STIMATE: variants seen among roughly 807,000 people sequenced by gnomAD.
The protein encoded by STIMATE is store-operated calcium entry regulator STIMATE.
In STIMATE, 15 loss-of-function variants were observed where a neutral mutation model predicts 36.7. The ratio of observed to expected loss-of-function variants is 0.41; its 90% CI spans 0.27 to 0.63. The LOEUF (loss-of-function observed/expected upper bound fraction) is 0.63, where lower values mean the gene tolerates loss of function less well. Ranked by LOEUF, STIMATE falls within the 20% of genes least tolerant of loss-of-function variation. The pLI, the probability that STIMATE is intolerant of heterozygous loss-of-function variation, is 0.32. For synonymous variants in STIMATE, 163 were observed against 162.3 expected (o/e 1.00, Z -0.03); for missense variants, 305 against 397.3 (o/e 0.77, Z 1.98).
chr3:52,873,412 G>A (rs181652788), intron 1 of STIMATE, among the ~76,000 whole-genome samples: 13 of 152,336 alleles, frequency 8.5e-5, no homozygotes, highest in Non-Finnish European at 1.8e-4. Context: ...CATTTGGTGA[G>A]GATATTAGGA....
chr3:52,855,717 G>C (rs886794359), intron 1 of STIMATE, among the ~76,000 whole-genome samples: 3 of 152,216 alleles, frequency 2.0e-5, no homozygotes, highest in Non-Finnish European at 4.4e-5. Flanking sequence ...TGACACACAA[G>C]GCTCACTCAG....
chr3:52,880,888 G>C (rs932984454), intron 1 of STIMATE, among the ~76,000 whole-genome samples: 3 of 152,186 alleles, frequency 2.0e-5, no homozygotes, highest in African/African-American at 7.2e-5. Context: ...TTTCCTACCA[G>C]TTAAAATGTA....
intron 1 of STIMATE, among the ~76,000 whole-genome samples, chr3:52,862,379 C>T (rs369389943): frequency 5.3e-4 from 80 of 152,346 alleles, no homozygotes; most frequent in African/African-American, 1.9e-3. Context: ...CCCATCCACT[C>T]CACCAGCACT....
intron 5 of STIMATE, among the ~76,000 whole-genome samples, chr3:52,844,408 G>A (rs1003001684): frequency 1.2e-4 from 19 of 152,356 alleles, no homozygotes; most frequent in Admixed American, 2.0e-4. Flanking sequence ...TGGGGAGCCC[G>A]TGGGCTGGCC....
At chr3:52,894,307 CAT>C (rs1303686369) in intron 1 of STIMATE, among the ~76,000 whole-genome samples, 2 of 152,204 alleles carry the variant, frequency 1.3e-5, no homozygotes, top group African/African-American at 4.8e-5. Context: ...GACACTGGGA[CAT>C]GTGTGTGGGT....
intron 3 of STIMATE, 73 bp from the exon 4 acceptor site, chr3:52,849,986 C>T (rs1700970210): frequency 1.9e-6 from 3 of 1,542,738 alleles, no homozygotes; most frequent in African/African-American, 1.4e-5. Flanking sequence ...TGCAGGGTGG[C>T]CTGAGGGAAG....
At chr3:52,860,475 T>C (rs1365943977) in intron 1 of STIMATE, among the ~76,000 whole-genome samples, 1 of 150,580 alleles carries the variant, frequency 6.6e-6, no homozygotes, top group Non-Finnish European at 1.5e-5. Context: ...CAGCAGGGCG[T>C]GCGGGAGAGG....
intron 1 of STIMATE, among the ~76,000 whole-genome samples, chr3:52,874,826 A>C (rs1481556092): frequency 6.6e-6 from 1 of 152,234 alleles, no homozygotes; most frequent in Non-Finnish European, 1.5e-5. Flanking sequence ...TGGGCGACAG[A>C]GGGAGATTCT....
At chr3:52,883,411 T>C (rs1263239781) in intron 1 of STIMATE, among the ~76,000 whole-genome samples, 1 of 152,244 alleles carries the variant, frequency 6.6e-6, no homozygotes, top group East Asian at 1.9e-4. Context: ...GATTATGATA[T>C]GGATTAGTGT....
At chr3:52,854,782 A>G (rs1383631490) in intron 2 of STIMATE, among the ~76,000 whole-genome samples, 2 of 152,208 alleles carry the variant, frequency 1.3e-5, no homozygotes, top group Non-Finnish European at 2.9e-5. Flanking sequence ...TGTGGGACTG[A>G]GCCCTTAACC....
chr3:52,894,876 G>A (rs1428497285), intron 1 of STIMATE, among the ~76,000 whole-genome samples: 2 of 152,192 alleles, frequency 1.3e-5, no homozygotes, highest in African/African-American at 4.8e-5. Context: ...AAAGGACAAC[G>A]GCTGTTTAAA....
At chr3:52,880,728 G>A (rs1701588521) in intron 1 of STIMATE, among the ~76,000 whole-genome samples, 1 of 152,218 alleles carries the variant, frequency 6.6e-6, no homozygotes, top group Non-Finnish European at 1.5e-5. Context: ...CCAAAAATGT[G>A]TAGAAAGTCA....
At chr3:52,885,629 A>G (rs1386020529) in intron 1 of STIMATE, among the ~76,000 whole-genome samples, 1 of 152,198 alleles carries the variant, frequency 6.6e-6, no homozygotes, top group Admixed American at 6.5e-5. Context: ...CTGTTCATAA[A>G]AAGTCTCGAG....
chr3:52,873,550 G>A (rs1350884007), intron 1 of STIMATE, among the ~76,000 whole-genome samples: 1 of 152,170 alleles, frequency 6.6e-6, no homozygotes, highest in Non-Finnish European at 1.5e-5. Context: ...CTGGTACCAA[G>A]GGTAGCCTCA....
In STIMATE at chr3:52,842,943, T is replaced by C. The variant is rs543376911; in HGVS notation, c.636A>G (p.Val212=). The change falls in exon 7 of 8, where the codon GTA becomes GTG. Residue 212 remains valine, a synonymous_variant. Coordinates refer to ENST00000355083, the MANE Select transcript of STIMATE (RefSeq NM_198563.5). ...PFFVNALMFW[V]VDNFLMRKGK... ...CCTTTCTCATGAGGAAATTGTCCAC[T>C]ACCCAAAACATCAAAGCCTGTGGGA... The C allele has an allele frequency of 6.2e-7, 1 of 1,614,176 alleles. No homozygotes were observed. The highest frequency in any genetic ancestry group is 2.2e-5 in the East Asian group (1 of 44,880).
intron 1 of STIMATE, among the ~76,000 whole-genome samples, chr3:52,883,021 C>A (rs1458337445): frequency 6.6e-6 from 1 of 152,158 alleles, no homozygotes; most frequent in African/African-American, 2.4e-5. Context: ...TTCTTCCAAA[C>A]GTCTGTAACT....
At position 52,843,733 on chromosome 3, in the gene STIMATE, G is replaced by C; in HGVS notation, c.606C>G (p.Pro202=). ...ACATGGCACTGACGTTGACAAAGAAGGGGACGATCAGCATGACGATGGCCA... is the reference window on the plus strand; with the variant it reads ...ACATGGCACTGACGTTGACAAAGAACGGGACGATCAGCATGACGATGGCCA... ...LKLAIVMLIV[P]FFVNALMFWV... The change falls in exon 6 of 8, where the codon CCC becomes CCG. Residue 202 remains proline (P), a synonymous_variant. Transcript: ENST00000355083. 1 of 1,614,144 alleles carries C rather than the reference G, an allele frequency of 6.2e-7. No individual in the cohort carries two copies. Among genetic ancestry groups the C allele is most frequent in the Non-Finnish European group, 8.5e-7 (1 of 1,180,028 alleles).
At chr3:52,880,230 C>G (rs574635041) in intron 1 of STIMATE, among the ~76,000 whole-genome samples, 1 of 152,220 alleles carries the variant, frequency 6.6e-6, no homozygotes, top group African/African-American at 2.4e-5. Flanking sequence ...CAAGAGAGTC[C>G]CAATCAGCAC....
Position 52,840,083 on chromosome 3 carries a change from T to C in STIMATE, c.*411A>G, listed in dbSNP as rs6445537. 140,796 of 152,668 alleles carry C rather than the reference T, an allele frequency of 0.92. 65,998 individuals carry two copies. The highest frequency in any genetic ancestry group is 1 in the East Asian group (5,164 of 5,164). 9.5% of individuals were successfully genotyped at this position (152,668 alleles called of 1,614,324 possible). ...AGTCACTTTTAGCCCGAGGGTGTTATGTGTTCGCACTGCCCACAGCCACGG... is the reference window on the plus strand; with the variant it reads ...AGTCACTTTTAGCCCGAGGGTGTTACGTGTTCGCACTGCCCACAGCCACGG... On this transcript the variant is annotated 3_prime_UTR_variant, in exon 8 of 8. Coordinates refer to ENST00000355083, the MANE Select transcript of STIMATE (RefSeq NM_198563.5).
Sources: gnomAD v4.1 joint callset for allele counts (sites outside exome capture counted in the v4.1 genomes callset) on GRCh38, gnomAD v4.1.1 for gene constraint, MANE v1.5 for transcripts, NCBI Gene and HGNC (gene_info 2026-07-23, HGNC 2026-07-21) for gene names.